Variants in TCF7L2 observed in about 807,000 individuals in gnomAD.
The protein encoded by TCF7L2 is transcription factor 7-like 2.
Under a neutral mutation model 77.9 loss-of-function variants are expected in TCF7L2, and 23 were observed. The observed-to-expected ratio is 0.30, with a 90% CI of 0.21 to 0.42. The LOEUF (loss-of-function observed/expected upper bound fraction) is 0.42. Among genes scored for constraint, TCF7L2 ranks in the 10% least tolerant of loss-of-function variants. The pLI, the probability that TCF7L2 is intolerant of heterozygous loss-of-function variation, is 1.00. For missense variants in TCF7L2, 654 were observed against 793.1 expected (o/e 0.82, Z 2.11); for synonymous variants, 413 against 340.2 (o/e 1.21, Z -2.36).
intron 5 of TCF7L2, among the ~76,000 whole-genome samples, chr10:113,112,269 T>A (rs1362072217): frequency 6.6e-6 from 1 of 152,222 alleles, no homozygotes; most frequent in East Asian, 1.9e-4. Context: ...TACAAGGAGC[T>A]TAGGAAAGAG....
At chr10:113,062,833 G>C (rs1383604234) in intron 5 of TCF7L2, among the ~76,000 whole-genome samples, 1 of 152,008 alleles carries the variant, frequency 6.6e-6, no homozygotes, top group Non-Finnish European at 1.5e-5. Flanking sequence ...AATGACTGGG[G>C]GTTTCATTTT....
intron 4 of TCF7L2, among the ~76,000 whole-genome samples, chr10:113,021,914 G>A (rs542128528): frequency 6.6e-6 from 1 of 152,318 alleles, no homozygotes; most frequent in East Asian, 1.9e-4. Flanking sequence ...GCTGACCCTT[G>A]TTTTTATGCC....
rs1484087812 is a variant in TCF7L2 at position 113,159,911 on chromosome 10, C to T, written c.1319-708C>T. Reference sequence around the variant, plus strand: ...CTCCTCTGCTCGCTTCTCTCTTGAACTCATTCAGACCTGAGCGCTCCTAAG... The same window carrying T: ...CTCCTCTGCTCGCTTCTCTCTTGAATTCATTCAGACCTGAGCGCTCCTAAG... On this transcript the variant is annotated intron_variant, in intron 12 of 13. Coordinates refer to ENST00000627217, the MANE Select transcript of TCF7L2 (RefSeq NM_001146274.2). The T allele has an allele frequency of 1.4e-6, 2 of 1,452,788 alleles. No homozygotes were observed. Among genetic ancestry groups the T allele is most frequent in the Non-Finnish European group, 9.3e-7 (1 of 1,080,134 alleles). The allele number at this position is 1,452,788 out of a possible 1,614,324, so 90.0% of individuals were successfully genotyped here.
intron 4 of TCF7L2, among the ~76,000 whole-genome samples, chr10:113,023,649 G>GTTTTA (rs1229408582): frequency 2.6e-5 from 4 of 151,532 alleles, no homozygotes; most frequent in Non-Finnish European, 4.4e-5. Flanking sequence ...TTTTTCTATT[G>GTTTTA]TTTTATTTTA....
intron 5 of TCF7L2, among the ~76,000 whole-genome samples, chr10:113,095,991 A>C (rs992367796): frequency 2.6e-5 from 4 of 152,152 alleles, no homozygotes; most frequent in African/African-American, 7.2e-5. Flanking sequence ...GGTGTGTGAC[A>C]TGTCATCCCC....
At chr10:113,082,453 A>G (rs907208847) in intron 5 of TCF7L2, among the ~76,000 whole-genome samples, 2 of 152,222 alleles carry the variant, frequency 1.3e-5, no homozygotes, top group Admixed American at 1.3e-4. Flanking sequence ...ACAGGAAAAA[A>G]GAAACAGTTG....
chr10:112,972,760 C>T (rs1278166308), intron 4 of TCF7L2, among the ~76,000 whole-genome samples: 2 of 152,172 alleles, frequency 1.3e-5, no homozygotes, highest in African/African-American at 2.4e-5. Context: ...CGTGATCCAC[C>T]GCGCCCAGCA....
At chr10:112,974,753 A>G (rs2039048117) in intron 4 of TCF7L2, among the ~76,000 whole-genome samples, 1 of 152,002 alleles carries the variant, frequency 6.6e-6, no homozygotes, top group African/African-American at 2.4e-5. Flanking sequence ...GTCTGCTGGT[A>G]TTTTCTTAGC....
chr10:113,048,067 T>C (rs1162761518), intron 5 of TCF7L2, among the ~76,000 whole-genome samples: 1 of 152,136 alleles, frequency 6.6e-6, no homozygotes, highest in East Asian at 1.9e-4. Context: ...TTGGAGGCCT[T>C]CCCTAGAGTG....
chr10:113,077,141 G>T (rs1198316703), intron 5 of TCF7L2, among the ~76,000 whole-genome samples: 4 of 152,120 alleles, frequency 2.6e-5, no homozygotes, highest in Admixed American at 6.5e-5. Flanking sequence ...CAGGAACTCA[G>T]CCAGGCAGTG....
chr10:112,987,185 A>G (rs1564747966), intron 4 of TCF7L2, among the ~76,000 whole-genome samples: 1 of 152,210 alleles, frequency 6.6e-6, no homozygotes, highest in African/African-American at 2.4e-5. Context: ...CATCAAGATA[A>G]AGGAGGTAGT....
chr10:113,129,353 C>A, intron 5 of TCF7L2: 1 of 989,140 alleles, frequency 1.0e-6, no homozygotes, highest in Non-Finnish European at 1.2e-6. Flanking sequence ...TTAGCGGCAG[C>A]TCTGTCCCTG....
chr10:112,961,591 G>A (rs1289730921), intron 3 of TCF7L2, among the ~76,000 whole-genome samples: 6 of 152,124 alleles, frequency 3.9e-5, no homozygotes, highest in Non-Finnish European at 8.8e-5. Context: ...ATGCATTTTC[G>A]AAAGAAAAGT....
intron 13 of TCF7L2, among the ~76,000 whole-genome samples, chr10:113,162,682 C>T (rs2073358153): frequency 6.6e-6 from 1 of 152,174 alleles, no homozygotes; most frequent in Non-Finnish European, 1.5e-5. Context: ...GTTTTCTTTC[C>T]AGTCTCAGCA....
intron 5 of TCF7L2, among the ~76,000 whole-genome samples, chr10:113,065,053 A>G (rs1289139938): frequency 6.6e-6 from 1 of 152,202 alleles, no homozygotes; most frequent in East Asian, 1.9e-4. Context: ...TCCATAGGGA[A>G]AAAAGGGCCA....
At chr10:112,980,737 C>G (rs898608135) in intron 4 of TCF7L2, among the ~76,000 whole-genome samples, 1 of 152,058 alleles carries the variant, frequency 6.6e-6, no homozygotes, top group East Asian at 1.9e-4. Flanking sequence ...ATGCCGTTCT[C>G]CTACCTCAGC....
chr10:113,098,575 G>A lies in TCF7L2; in HGVS notation c.553-42609G>A, dbSNP rs566617758. Among the ~76,000 whole-genome samples, 79 of 152,056 alleles carry A rather than the reference G, an allele frequency of 5.2e-4. 1 individual carries two copies. The South Asian group carries it at 0.01, about 20-fold the overall frequency. The stretch of plus-strand genomic sequence containing the variant: ...ACAAAAATTAGCCAGGCATGGTGGC[G>A]GGAGCCTGTAGTCCCAGCTACTCAG... On this transcript the variant is annotated intron_variant, in intron 5 of 13. Coordinates refer to ENST00000627217, the MANE Select transcript of TCF7L2 (RefSeq NM_001146274.2).
At chr10:113,041,538 C>T (rs542275707) in intron 5 of TCF7L2, among the ~76,000 whole-genome samples, 1 of 152,282 alleles carries the variant, frequency 6.6e-6, no homozygotes, top group East Asian at 1.9e-4. Flanking sequence ...CTTGTGATGT[C>T]TTCTCTCCTA....
intron 5 of TCF7L2, chr10:113,133,162 A>G (rs1229523170): frequency 6.6e-6 from 1 of 152,220 alleles, no homozygotes; most frequent in Non-Finnish European, 1.5e-5. Flanking sequence ...GAGCCTGTGA[A>G]TGCACAGCTT....
Sources: gnomAD v4.1 joint callset for allele counts (sites outside exome capture counted in the v4.1 genomes callset) on GRCh38, gnomAD v4.1.1 for gene constraint, MANE v1.5 for transcripts, NCBI Gene and HGNC (gene_info 2026-07-23, HGNC 2026-07-21) for gene names.